CLIP1: variants seen among roughly 807,000 people sequenced by gnomAD.
CLIP1 encodes CAP-Gly domain-containing linker protein 1.
A neutral mutation model predicts 161.6 loss-of-function variants in CLIP1; 66 were observed. The observed-to-expected ratio is 0.41, with a 90% CI of 0.33 to 0.50. The LOEUF (loss-of-function observed/expected upper bound fraction) is 0.50, where lower values mean the gene tolerates loss of function less well. Among genes scored for constraint, CLIP1 ranks in the 20% least tolerant of loss-of-function variants. CLIP1 has a pLI of 0.27. For missense variants in CLIP1, 1,376 were observed against 1,702.0 expected (o/e 0.81, Z 3.37); for synonymous variants, 598 against 626.2 (o/e 0.96, Z 0.67).
intron 1 of CLIP1, among the ~76,000 whole-genome samples, chr12:122,419,547 T>C (rs531613124): frequency 6.6e-6 from 1 of 152,038 alleles, no homozygotes; most frequent in African/African-American, 2.4e-5. Context: ...ATGTGAAAGG[T>C]TCAAAGGTGC....
At chr12:122,393,912 CAAAAAAA>C (rs71082981) in intron 1 of CLIP1, among the ~76,000 whole-genome samples, 13 of 63,198 alleles carry the variant, frequency 2.1e-4, no homozygotes, top group African/African-American at 6.0e-4. Flanking sequence ...ATTCTGTCTC[CAAAAAAA>C]AAAAAAAAAA....
chr12:122,411,404 G>T (rs774787630), intron 1 of CLIP1, among the ~76,000 whole-genome samples: 1 of 152,138 alleles, frequency 6.6e-6, no homozygotes, highest in Non-Finnish European at 1.5e-5. Flanking sequence ...AGACAAGGGC[G>T]AAACTCCATC....
chr12:122,307,048 C>T (rs190358698), intron 20 of CLIP1, among the ~76,000 whole-genome samples: 8,937 of 124,108 alleles, frequency 0.072, 410 homozygotes, highest in Middle Eastern at 0.11. Flanking sequence ...CTCACTCTGT[C>T]GCCCAGGCTG....
At chr12:122,408,046 A>C (rs951477434) in intron 1 of CLIP1, among the ~76,000 whole-genome samples, 1 of 151,478 alleles carries the variant, frequency 6.6e-6, no homozygotes, top group African/African-American at 2.4e-5. Context: ...GACCAGCCTG[A>C]CTAACATGGC....
chr12:122,333,473 G>T (rs1462781138), intron 14 of CLIP1, among the ~76,000 whole-genome samples: 3 of 152,202 alleles, frequency 2.0e-5, no homozygotes, highest in African/African-American at 7.2e-5. Flanking sequence ...CAGGCTCTGA[G>T]AAAGGAACAC....
chr12:122,293,270 C>A (rs1269500248), intron 20 of CLIP1, among the ~76,000 whole-genome samples: 1 of 152,044 alleles, frequency 6.6e-6, no homozygotes, highest in African/African-American at 2.4e-5. Context: ...CAAACTGAAA[C>A]CACACTGAGA....
At chr12:122,332,838 T>G in intron 15 of CLIP1, 149 bp downstream of exon 15, 1 of 616,320 alleles carries the variant, frequency 1.6e-6, no homozygotes, top group Non-Finnish European at 2.7e-6. Context: ...AAATAGTTGA[T>G]TCAAGGACAC....
chr12:122,278,773 C>G lies in CLIP1; in HGVS notation c.3916+19G>C. 1 of 1,570,498 alleles carries G rather than the reference C, an allele frequency of 6.4e-7. No individual in the cohort carries two copies. Among genetic ancestry groups the G allele is most frequent in the Non-Finnish European group, 8.6e-7 (1 of 1,160,770 alleles). ...AGGACGCGGGGTGTACAGAGAAGCACTGGGCAGGCGCCCTTTACCTGAGGA... is the reference window on the plus strand; with the variant it reads ...AGGACGCGGGGTGTACAGAGAAGCAGTGGGCAGGCGCCCTTTACCTGAGGA... On this transcript the variant is annotated intron_variant, in intron 23 of 25. Transcript: ENST00000620786.
At chr12:122,328,565 A>ATTTTG (rs66694613) in intron 15 of CLIP1, 139 bp from the exon 16 acceptor site, 190 of 321,218 alleles carry the variant, frequency 5.9e-4, no homozygotes, top group African/African-American at 1.3e-3. Context: ...TAGGCAAGAA[A>ATTTTG]TTTTGTTTTG....
intron 1 of CLIP1, among the ~76,000 whole-genome samples, chr12:122,394,360 G>T (rs946475124): frequency 3.3e-5 from 5 of 151,666 alleles, no homozygotes. Flanking sequence ...GTGGTGGCAC[G>T]TGCCTATAAT....
At chr12:122,378,168 C>A (rs1158518554) in intron 2 of CLIP1, among the ~76,000 whole-genome samples, 1 of 151,498 alleles carries the variant, frequency 6.6e-6, no homozygotes, top group Admixed American at 6.6e-5. Flanking sequence ...CTCACTGCAA[C>A]CTCCACCTTC....
chr12:122,302,149 G>T (rs1593016644), intron 20 of CLIP1, among the ~76,000 whole-genome samples: 1 of 152,208 alleles, frequency 6.6e-6, no homozygotes, highest in East Asian at 1.9e-4. Flanking sequence ...TGCCCAGGCT[G>T]AAGTGTAATG....
At chr12:122,422,750 G>T (rs1439368576), upstream of CLIP1, 1 of 134,364 alleles carries the variant, frequency 7.4e-6, no homozygotes, top group Non-Finnish European at 1.6e-5. Context: ...CCGGCCCCTC[G>T]AGTCCGCACC....
At chr12:122,306,605 T>C (rs1235829911) in intron 20 of CLIP1, among the ~76,000 whole-genome samples, 1 of 152,182 alleles carries the variant, frequency 6.6e-6, no homozygotes, top group Non-Finnish European at 1.5e-5. Context: ...GGGCAGCAGC[T>C]TGCTCTGCTC....
rs752711629 is a variant in CLIP1 at position 122,361,108 on chromosome 12, T to C, written c.856A>G (p.Thr286Ala). 6.2e-7 allele frequency: 1 copy of C among 1,614,134 alleles called. No homozygotes were observed. Among genetic ancestry groups the C allele is most frequent in the African/African-American group, 1.3e-5 (1 of 75,036 alleles). Residue 286 changes from threonine (T) to alanine (A), a missense_variant, in exon 5 of 26, where the codon ACT (threonine) becomes GCT (alanine). Physicochemically the swap from Thr to Ala is moderately conservative, Grantham distance 58. Around this residue, in one of 6 missense-constraint regions of CLIP1, gnomAD observed 211 missense variants for 295.1 expected, o/e 0.72. Transcript: ENST00000620786. ...HKVTKIGFPS[T>A]TPAKAKANAV... ...TTGGCCTTGGCTTTGGCTGGTGTAGTGGAAGGGAAGCCAATCTTGGTAACT... is the reference window on the plus strand; with the variant it reads ...TTGGCCTTGGCTTTGGCTGGTGTAGCGGAAGGGAAGCCAATCTTGGTAACT...
At chr12:122,357,647 G>A (rs1593153064) in intron 5 of CLIP1, among the ~76,000 whole-genome samples, 2 of 147,188 alleles carry the variant, frequency 1.4e-5, no homozygotes, top group South Asian at 4.3e-4. Context: ...GAAGTGAGGA[G>A]CCCCTCTGCC....
intron 1 of CLIP1, among the ~76,000 whole-genome samples, chr12:122,408,947 G>A (rs560966552): frequency 9.9e-4 from 151 of 152,136 alleles, no homozygotes; most frequent in African/African-American, 3.4e-3. Flanking sequence ...AAGTAGCCAG[G>A]ATTACAGGTC....
chr12:122,321,938 C>T (rs1951521937), intron 17 of CLIP1, among the ~76,000 whole-genome samples: 1 of 152,094 alleles, frequency 6.6e-6, no homozygotes, highest in African/African-American at 2.4e-5. Context: ...CAGTGAGATA[C>T]TTAGTAAAGA....
At chr12:122,374,387 G>A (rs1192128237) in intron 3 of CLIP1, among the ~76,000 whole-genome samples, 17 of 151,486 alleles carry the variant, frequency 1.1e-4, no homozygotes, top group African/African-American at 2.2e-4. Context: ...TTGGGAGGCC[G>A]AGGCAGGCAG....
Sources: gnomAD v4.1 joint callset for allele counts (sites outside exome capture counted in the v4.1 genomes callset) on GRCh38, gnomAD v4.1.1 for gene constraint, gnomAD v4.1.1 regional missense constraint, MANE v1.5 for transcripts, NCBI Gene and HGNC (gene_info 2026-07-23, HGNC 2026-07-21) for gene names.